C1orf174: variants seen among roughly 807,000 people sequenced by gnomAD.
C1orf174 encodes UPF0688 protein C1orf174.
A neutral mutation model predicts 18.4 loss-of-function variants in C1orf174; 13 were observed. The ratio of observed to expected loss-of-function variants is 0.71; its 90% confidence interval spans 0.46 to 1.12. The LOEUF (loss-of-function observed/expected upper bound fraction) is 1.12. C1orf174 is among the 50% of genes most tolerant of loss of function. The pLI is 0.00. For missense variants in C1orf174, 309 were observed against 308.0 expected, an observed-to-expected ratio of 1.00 and a Z score of -0.02; for synonymous variants, 100 against 118.3, an observed-to-expected ratio of 0.85 and a Z score of 1.01.
rs141710297 is a variant in C1orf174 at position 3,890,060 on chromosome 1, G to C, written c.632C>G (p.Ala211Gly). The change falls in exon 4 of 4, where the codon GCG (alanine) becomes GGG (glycine). Residue 211 changes from alanine to glycine, a missense_variant. By Grantham distance (60) the Ala-to-Gly change is moderately conservative. Transcript: ENST00000361605. Reference sequence around the variant, plus strand: ...GCTCATTGAAGGACAAGATGAAGACGCAGGTGGGAGGTCCTTAGTGGAGAA... The same window carrying C: ...GCTCATTGAAGGACAAGATGAAGACCCAGGTGGGAGGTCCTTAGTGGAGAA... ...NVELMQDLPP[A>G]SSSCPSMSRR... The C allele has an allele frequency of 1.8e-5, 29 of 1,613,964 alleles. No homozygotes were observed. In the African/African-American group the frequency reaches 3.7e-4, roughly 21 times the overall value.
intron 1 of C1orf174, 107 bp downstream of exon 1, chr1:3,900,065 C>T (rs1035433169): frequency 1.2e-5 from 17 of 1,394,174 alleles, no homozygotes; most frequent in Admixed American, 2.7e-5. Flanking sequence ...GCGGAGGCCG[C>T]TCCTAGGCCA....
intron 1 of C1orf174, among the ~76,000 whole-genome samples, chr1:3,897,038 C>T (rs563795914): frequency 3.1e-4 from 47 of 152,300 alleles, no homozygotes; most frequent in South Asian, 1.7e-3. Context: ...TTAACAATGA[C>T]AAGCCCCAGG....
At chr1:3,894,849 C>T (rs181923416) in intron 1 of C1orf174, among the ~76,000 whole-genome samples, 245 of 152,316 alleles carry the variant, frequency 1.6e-3, no homozygotes, top group African/African-American at 5.6e-3. Flanking sequence ...CCACAGCACA[C>T]CGGGGGCTGC....
chr1:3,891,400 T>C (rs1638510411), intron 2 of C1orf174: 3 of 216,914 alleles, frequency 1.4e-5, no homozygotes, highest in Admixed American at 1.1e-4. Context: ...AGAATCCAGC[T>C]TTCATTCATT....
chr1:3,891,064 A>T lies in C1orf174; in HGVS notation c.130-7T>A. ...CTTTGTGGGATGAGGAAGTCTGTCAAGAAAAAAAATGTAAGGGGAACCAGA... is the reference window on the plus strand; with the variant it reads ...CTTTGTGGGATGAGGAAGTCTGTCATGAAAAAAAATGTAAGGGGAACCAGA... On this transcript the variant is annotated splice_polypyrimidine_tract_variant and splice_region_variant and intron_variant, in intron 2 of 3. Coordinates refer to ENST00000361605, the MANE Select transcript of C1orf174 (RefSeq NM_207356.3). 1.9e-6 allele frequency: 3 copies of T among 1,602,520 alleles called. No individual in the cohort carries two copies. The highest frequency in any genetic ancestry group is 1.7e-6 in the Non-Finnish European group (2 of 1,175,984).
intron 1 of C1orf174, chr1:3,895,662 A>G (rs1464996367): frequency 6.6e-6 from 1 of 152,278 alleles, no homozygotes; most frequent in Non-Finnish European, 1.5e-5. Context: ...CAGTTTCGTC[A>G]TGGATTAACC....
chr1:3,894,642 C>T (rs1638574114), intron 1 of C1orf174, among the ~76,000 whole-genome samples: 1 of 151,900 alleles, frequency 6.6e-6, no homozygotes, highest in African/African-American at 2.4e-5. Context: ...CTGTCTCAGC[C>T]ATGCACCCCG....
At chr1:3,900,103 C>T in intron 1 of C1orf174, 69 bp downstream of exon 1, 8 of 1,536,118 alleles carry the variant, frequency 5.2e-6, no homozygotes, top group South Asian at 3.6e-5. Context: ...CGCCCCGGTT[C>T]TCCAGACAGC....
chr1:3,893,049 A>T, intron 1 of C1orf174, 53 bp from the exon 2 acceptor site: 1 of 1,578,668 alleles, frequency 6.3e-7, no homozygotes, highest in Admixed American at 1.8e-5. Context: ...CAGCATGAAC[A>T]TGTAGACGAG....
intron 1 of C1orf174, among the ~76,000 whole-genome samples, chr1:3,898,711 A>G (rs1638653599): frequency 6.6e-6 from 1 of 152,224 alleles, no homozygotes; most frequent in Admixed American, 6.5e-5. Context: ...TCCTTCTCTT[A>G]ATTTAAAAAG....
At chr1:3,897,798 G>T (rs1307633395) in intron 1 of C1orf174, among the ~76,000 whole-genome samples, 3 of 115,998 alleles carry the variant, frequency 2.6e-5, no homozygotes, top group African/African-American at 8.8e-5. Flanking sequence ...CAAGTAGCTG[G>T]AACTACAGGC....
intron 1 of C1orf174, among the ~76,000 whole-genome samples, chr1:3,897,247 G>A (rs571975556): frequency 6.6e-6 from 1 of 152,132 alleles, no homozygotes; most frequent in Non-Finnish European, 1.5e-5. Context: ...AAGGACCAAG[G>A]TAGCCATGAT....
At chr1:3,896,489 C>T (rs1638607756) in intron 1 of C1orf174, among the ~76,000 whole-genome samples, 2 of 152,218 alleles carry the variant, frequency 1.3e-5, no homozygotes, top group African/African-American at 4.8e-5. Context: ...GAGGCTCTGC[C>T]TGGGATGAGA....
rs41315256 is a variant in C1orf174, at chr1:3,890,795, C to T, written c.392G>A (p.Arg131His). Residue 131 changes from arginine (R) to histidine (H), a missense_variant, in exon 3 of 4, where the codon CGC (arginine) becomes CAC (histidine). By Grantham distance (29) the Arg-to-His change is conservative (BLOSUM62 0). Coordinates refer to ENST00000361605, the MANE Select transcript of C1orf174 (RefSeq NM_207356.3). ...LGGCRVVSDS[R>H]LAKTRDGLSV... ...CAGGCCATCTCTAGTCTTTGCTAAGCGAGAGTCACTCACAACTCTGCAGCC... is the reference window on the plus strand; with the variant it reads ...CAGGCCATCTCTAGTCTTTGCTAAGTGAGAGTCACTCACAACTCTGCAGCC... 2,195 of 1,613,820 alleles carry T rather than the reference C, an allele frequency of 1.4e-3. 6 individuals are homozygous for T. The highest frequency in any genetic ancestry group is 1.6e-3 in the Non-Finnish European group (1,880 of 1,180,034).
At position 3,900,152 on chromosome 1, in the gene C1orf174, T is replaced by A; in HGVS notation, c.15+20A>T. The A allele has an allele frequency of 6.3e-7, 1 of 1,576,574 alleles. No individual in the cohort carries two copies. Among genetic ancestry groups the A allele is most frequent in the Non-Finnish European group, 8.5e-7 (1 of 1,170,942 alleles). On this transcript the variant is annotated intron_variant, in intron 1 of 3. Coordinates refer to ENST00000361605, the MANE Select transcript of C1orf174 (RefSeq NM_207356.3). ...TCCCCGCCCTGCCCGGCGCAGCTGC[T>A]GCCGGGACCCAGCCCTCACCTTCCG... is the stretch of plus-strand genomic sequence containing the variant.
At chr1:3,890,499 G>A (rs975874644) in intron 3 of C1orf174, 70 bp downstream of exon 3, 20 of 1,574,056 alleles carry the variant, frequency 1.3e-5, no homozygotes, top group African/African-American at 2.7e-5. Context: ...TGCACTGAGT[G>A]GGGAGTGTGT....
chr1:3,892,696 C>A, intron 2 of C1orf174, 187 bp downstream of exon 2: 2 of 1,441,294 alleles, frequency 1.4e-6, no homozygotes, highest in South Asian at 1.5e-5. Context: ...CCAGCCCTGG[C>A]CTGCAGAGTG....
At chr1:3,900,092 C>T in intron 1 of C1orf174, 80 bp downstream of exon 1, 1 of 1,503,284 alleles carries the variant, frequency 6.7e-7, no homozygotes, top group South Asian at 1.2e-5. Flanking sequence ...CCCCGTGACC[C>T]CGCCCCGGTT....
chr1:3,894,780 G>A (rs1021072057), intron 1 of C1orf174, among the ~76,000 whole-genome samples: 2 of 152,134 alleles, frequency 1.3e-5, no homozygotes, highest in African/African-American at 2.4e-5. Flanking sequence ...AGGCCAGGAC[G>A]CCCGCCTGCT....
Sources: allele counts gnomAD v4.1 joint callset (sites outside exome capture counted in the v4.1 genomes callset), GRCh38; gene constraint gnomAD v4.1.1; transcripts MANE v1.5; gene names NCBI Gene and HGNC (gene_info 2026-07-23, HGNC 2026-07-21).